The following GALK2 variants were observed in gnomAD, a reference collection of about 807,000 sequenced individuals.
GALK2 encodes galactokinase 2.
In GALK2, 36 loss-of-function variants were observed where a neutral mutation model predicts 52.4. The ratio of observed to expected loss-of-function variants is 0.69; its 90% CI spans 0.53 to 0.91. The LOEUF is 0.91. Ranked by LOEUF, GALK2 falls within the 40% of genes least tolerant of loss-of-function variation. The pLI is 0.00. For missense variants in GALK2, 579 were observed against 559.1 expected, an observed-to-expected ratio of 1.04 and a Z score of -0.36; for synonymous variants, 176 against 199.1, an observed-to-expected ratio of 0.88 and a Z score of 0.98.
chr15:49,182,173 C>G (rs984972876), intron 1 of GALK2, among the ~76,000 whole-genome samples: 2 of 152,186 alleles, frequency 1.3e-5, no homozygotes, highest in Non-Finnish European at 2.9e-5. Flanking sequence ...TGGTAACCAT[C>G]ATTCTACTCT....
chr15:49,343,244 TG>T (rs1457769157), intron 3 of GALK2, among the ~76,000 whole-genome samples: 2 of 152,170 alleles, frequency 1.3e-5, no homozygotes, highest in Non-Finnish European at 2.9e-5. Flanking sequence ...TTTAATTTTT[TG>T]TCAGACTTGG....
At chr15:49,365,685 C>G in intron 3 of GALK2, 1 of 931,860 alleles carries the variant, frequency 1.1e-6, no homozygotes, top group Admixed American at 1.7e-5. Context: ...AGCTGGCCAA[C>G]TTCAGTGTTT....
chr15:49,310,639 G>A (rs1179842788), intron 8 of GALK2, among the ~76,000 whole-genome samples: 2 of 152,090 alleles, frequency 1.3e-5, no homozygotes, highest in African/African-American at 4.8e-5. Context: ...GATGATTAGT[G>A]ATGTTAAGCA....
exon 4 of GALK2, chr15:49,367,691 G>C: frequency 8.0e-7 from 1 of 1,244,470 alleles, no homozygotes; most frequent in Non-Finnish European, 1.1e-6. Flanking sequence ...TTCATATTTA[G>C]CATAAAGTTA....
At chr15:49,278,520 A>G (rs1240506031) in intron 5 of GALK2, among the ~76,000 whole-genome samples, 2 of 152,240 alleles carry the variant, frequency 1.3e-5, no homozygotes, top group East Asian at 1.9e-4. Flanking sequence ...CCAACTGTGT[A>G]GTACTTTAGA....
chr15:49,209,358 C>G (rs1327499450), intron 2 of GALK2, among the ~76,000 whole-genome samples: 2 of 152,108 alleles, frequency 1.3e-5, no homozygotes, highest in Non-Finnish European at 2.9e-5. Context: ...CTCAGACTTC[C>G]AGTACTATTT....
At chr15:49,335,497 G>A (rs755367296), downstream of GALK2, 7 of 1,610,208 alleles carry the variant, frequency 4.3e-6, no homozygotes, top group East Asian at 6.7e-5. Context: ...AGCAGGTAGT[G>A]TGCTAGGCTT....
chr15:49,192,483 A>ATGTATATATATG (rs1408319143), intron 1 of GALK2, among the ~76,000 whole-genome samples: 29 of 65,226 alleles, frequency 4.4e-4, no homozygotes, highest in Admixed American at 6.8e-4. Flanking sequence ...TTATATATAT[A>ATGTATATATATG]TGTATATATA....
Position 49,331,439 on chromosome 15 carries a change from G to T in GALK2, c.*3280G>T. The T allele has an allele frequency of 4.2e-6, 1 of 237,576 alleles. No homozygotes were observed. The highest frequency in any genetic ancestry group is 1.0e-4 in the East Asian group (1 of 9,682). 14.7% of individuals were successfully genotyped at this position (237,576 alleles called of 1,614,324 possible). Reference sequence around the variant, plus strand: ...CAGGGACCATTCATCTAACACAGCTGTTGGTACCCAATATGATTTTGTTGA... The same window carrying T: ...CAGGGACCATTCATCTAACACAGCTTTTGGTACCCAATATGATTTTGTTGA... On this transcript the variant is annotated 3_prime_UTR_variant, in exon 10 of 10. Coordinates refer to ENST00000560031, the MANE Select transcript of GALK2 (RefSeq NM_002044.4).
intron 5 of GALK2, among the ~76,000 whole-genome samples, chr15:49,272,204 T>A (rs1345491448): frequency 6.6e-6 from 1 of 152,162 alleles, no homozygotes; most frequent in African/African-American, 2.4e-5. Context: ...CTCTATGAAA[T>A]AGAGAAGTTA....
chr15:49,307,439 G>A (rs2035637744), intron 8 of GALK2, among the ~76,000 whole-genome samples: 1 of 152,178 alleles, frequency 6.6e-6, no homozygotes, highest in South Asian at 2.1e-4. Context: ...TGGTATGTAT[G>A]AGCAGGTTGA....
At chr15:49,343,131 A>G (rs925579965) in intron 3 of GALK2, among the ~76,000 whole-genome samples, 16 of 152,130 alleles carry the variant, frequency 1.1e-4, no homozygotes, top group African/African-American at 3.6e-4. Flanking sequence ...TCTGTGTTGT[A>G]TACTTTTTCT....
intron 2 of GALK2, among the ~76,000 whole-genome samples, chr15:49,216,729 C>T (rs2089409438): frequency 6.6e-6 from 1 of 152,158 alleles, no homozygotes; most frequent in East Asian, 1.9e-4. Flanking sequence ...GATCTAAATG[C>T]CCCCTCCTTG....
At chr15:49,200,800 T>G (rs1161213625) in intron 1 of GALK2, among the ~76,000 whole-genome samples, 2 of 152,156 alleles carry the variant, frequency 1.3e-5, no homozygotes, top group African/African-American at 4.8e-5. Context: ...TGGTACACTT[T>G]TAATGTAAAG....
At chr15:49,292,048 C>CAA (rs142501722) in intron 7 of GALK2, among the ~76,000 whole-genome samples, 3 of 146,060 alleles carry the variant, frequency 2.1e-5, no homozygotes, top group African/African-American at 7.5e-5. Flanking sequence ...GGTGACAGGC[C>CAA]AAAAAAAAAA....
chr15:49,334,295 A>G (rs1288877224), downstream of GALK2: 1 of 957,094 alleles, frequency 1.0e-6, no homozygotes, highest in Admixed American at 6.2e-5. Flanking sequence ...GCTTTTCCCT[A>G]TAAAGTTAAA....
chr15:49,324,400 C>CAA (rs56869664), intron 9 of GALK2, among the ~76,000 whole-genome samples: 2 of 93,430 alleles, frequency 2.1e-5, no homozygotes, highest in African/African-American at 9.1e-5. Flanking sequence ...CATACCCTGT[C>CAA]AAAAAAAAAA....
intron 5 of GALK2, among the ~76,000 whole-genome samples, chr15:49,253,915 T>A (rs190444145): frequency 6.9e-6 from 1 of 144,282 alleles, no homozygotes; most frequent in African/African-American, 2.5e-5. Context: ...TGGATAGGCT[T>A]AGGTTCATTC....
chr15:49,216,992 G>A (rs2089430016), intron 2 of GALK2, among the ~76,000 whole-genome samples, 198 bp from the exon 3 acceptor site: 1 of 152,170 alleles, frequency 6.6e-6, no homozygotes, highest in Non-Finnish European at 1.5e-5. Context: ...TTATGAAGGT[G>A]TTTATTGCAT....
Sources: allele counts gnomAD v4.1 joint callset (sites outside exome capture counted in the v4.1 genomes callset), GRCh38; gene constraint gnomAD v4.1.1; transcripts MANE v1.5; gene names NCBI Gene and HGNC (gene_info 2026-07-23, HGNC 2026-07-21).